Variants in DNAJC14 observed in about 807,000 individuals in gnomAD.
DNAJC14 encodes dnaJ homolog subfamily C member 14.
Under a neutral mutation model 68.8 loss-of-function variants are expected in DNAJC14, and 12 were observed. That is an observed-to-expected ratio of 0.17 (90% CI 0.11 to 0.28). DNAJC14 has a LOEUF of 0.28. DNAJC14 is among the 10% of genes least tolerant of loss of function. DNAJC14 has a pLI of 1.00. For missense variants in DNAJC14, 764 were observed against 875.6 expected (o/e 0.87, Z 1.61); for synonymous variants, 350 against 321.5 (o/e 1.09, Z -0.95).
chr12:55,827,619 C>G lies in DNAJC14; in HGVS notation c.1040G>C (p.Arg347Pro), dbSNP rs78207997. The change falls in exon 2 of 7, where the codon CGG (arginine) becomes CCG (proline). Residue 347 changes from arginine to proline, a missense_variant. Arg to Pro is a moderately radical substitution (Grantham distance 103). Transcript: ENST00000678005. The part of the protein sequence containing the change: ...LFLGFLQLGW[R>P]FLVGLGDRLG... ...CCGGTCACCTAGTCCCACCAGAAAC[C>G]GCCATCCCAACTGTAGAAAGCCCAA... is the stretch of plus-strand genomic sequence containing the variant. 20 of 1,609,944 alleles carry G rather than the reference C, an allele frequency of 1.2e-5. No homozygotes were observed. The Admixed American group carries it at 3.2e-4, about 26-fold the overall frequency.
At position 55,827,447 on chromosome 12, in the gene DNAJC14, G is replaced by C. The variant is rs1489781002; in HGVS notation, c.1212C>G (p.Val404=). 6.2e-7 allele frequency: 1 copy of C among 1,605,672 alleles called. No homozygotes were observed. Among genetic ancestry groups the C allele is most frequent in the Non-Finnish European group, 8.5e-7 (1 of 1,174,432 alleles). ...TCCCCTGCCTATTAATATTCTGCTT[G>C]ACCCAAGGCAACTCCAGCCAGCCCC... ...VQWGWLELPW[V]KQNINRQGNA... The change falls in exon 2 of 7, where the codon GTC becomes GTG. Residue 404 remains valine (V), a synonymous_variant. Transcript: ENST00000678005.
Position 55,823,009 on chromosome 12 carries a change from G to A in DNAJC14, c.1634+61C>T, listed in dbSNP as rs562299309. 2.8e-5 allele frequency: 45 copies of A among 1,601,680 alleles called. No homozygotes were observed. In the East Asian group the frequency reaches 8.9e-4, roughly 32 times the overall value. ...CATAATTACCAGTACTCACTAGAAA[G>A]ATCCTTGGTTACATAATCCCTGAGC... On this transcript the variant is annotated intron_variant, in intron 4 of 6. Transcript: ENST00000678005.
Position 55,827,916 on chromosome 12 carries a change from C to A in DNAJC14, c.743G>T (p.Gly248Val). The A allele has an allele frequency of 6.2e-7, 1 of 1,606,856 alleles. No homozygotes were observed. Among genetic ancestry groups the A allele is most frequent in the Non-Finnish European group, 8.5e-7 (1 of 1,174,864 alleles). The change falls in exon 2 of 7, where the codon GGA (glycine) becomes GTA (valine). Residue 248 changes from glycine to valine, a missense_variant. This residue lies in a region of DNAJC14 where 514 missense variants were observed against 521.7 expected (regional missense o/e 0.99). Transcript: ENST00000678005. Reference sequence around the variant, plus strand: ...AATCAGCCACCAAAAGCCTGCCTGTCCAAGTTGACATAGTTCCTCGGCTCC... The same window carrying A: ...AATCAGCCACCAAAAGCCTGCCTGTACAAGTTGACATAGTTCCTCGGCTCC... The part of the protein sequence containing the change: ...LWGAEELCQL[G>V]QAGFWWLIEL...
intron 3 of DNAJC14, 40 bp from the exon 4 acceptor site, chr12:55,823,229 G>A (rs190610992): frequency 1.2e-6 from 2 of 1,613,562 alleles, no homozygotes; most frequent in African/African-American, 2.7e-5. Flanking sequence ...AGGTATTGAG[G>A]GAGGGACAAA....
chr12:55,823,268 C>T (rs1348895121), intron 3 of DNAJC14, 79 bp from the exon 4 acceptor site: 1 of 1,606,650 alleles, frequency 6.2e-7, no homozygotes, highest in Non-Finnish European at 8.5e-7. Context: ...CCTCTTGAGG[C>T]CCCTGTCTAG....
rs776787427 is a variant in DNAJC14, at chr12:55,822,494, A to G, written c.1796-19T>C. The G allele has an allele frequency of 3.1e-6, 5 of 1,613,548 alleles. No homozygotes were observed. In the Admixed American group the frequency reaches 5.0e-5, roughly 16 times the overall value. On this transcript the variant is annotated intron_variant, in intron 5 of 6. Coordinates refer to ENST00000678005, the MANE Select transcript of DNAJC14 (RefSeq NM_032364.6). Reference sequence around the variant, plus strand: ...GCCCACTCTATAAACATGAGAAATAATTAGCCAAAACGTCGCAGTTTAGAG... The same window carrying G: ...GCCCACTCTATAAACATGAGAAATAGTTAGCCAAAACGTCGCAGTTTAGAG...
At chr12:55,829,716 G>T, upstream of DNAJC14, 1 of 614,558 alleles carries the variant, frequency 1.6e-6, no homozygotes, top group Non-Finnish European at 2.0e-6. Flanking sequence ...AGCTAGGGCT[G>T]CGTCGACTCC....
Position 55,827,405 on chromosome 12 carries a change from A to G in DNAJC14, c.1254T>C (p.Ser418=). Residue 418 remains serine (S), a synonymous_variant, in exon 2 of 7, where the codon AGT becomes AGC. Coordinates refer to ENST00000678005, the MANE Select transcript of DNAJC14 (RefSeq NM_032364.6). ...CCTCTTCAGGCTGGCAGTAGCGCCC[A>G]CTAGCTACAGGTGCATTCCCCTGCC... The part of the protein sequence containing the change: ...INRQGNAPVA[S]GRYCQPEEEV... The G allele has an allele frequency of 6.2e-7, 1 of 1,613,328 alleles. No individual in the cohort carries two copies. Among genetic ancestry groups the G allele is most frequent in the South Asian group, 1.1e-5 (1 of 90,974 alleles).
chr12:55,824,114 C>T (rs768412426), intron 2 of DNAJC14, among the ~76,000 whole-genome samples: 2 of 151,890 alleles, frequency 1.3e-5, no homozygotes, highest in Non-Finnish European at 1.5e-5. Flanking sequence ...TCAGGTACTA[C>T]GGTGGATTCA....
At chr12:55,829,184 C>T (rs112561781) in intron 1 of DNAJC14, 1 of 985,648 alleles carries the variant, frequency 1.0e-6, no homozygotes, top group Non-Finnish European at 1.2e-6. Context: ...CCGTGGCTCA[C>T]GCCTGTAATC....
chr12:55,825,840 G>A (rs1880781259), intron 2 of DNAJC14, among the ~76,000 whole-genome samples: 1 of 151,356 alleles, frequency 6.6e-6, no homozygotes, highest in Non-Finnish European at 1.5e-5. Context: ...CACCGCGCCT[G>A]GCCCTGCACA....
At chr12:55,829,647 C>T (rs575891619), upstream of DNAJC14, 12 of 975,798 alleles carry the variant, frequency 1.2e-5, no homozygotes, top group African/African-American at 2.1e-4. Context: ...CTTCCGGGGT[C>T]ACCAGGGAAG....
chr12:55,821,832 G>A lies in DNAJC14; in HGVS notation c.*145C>T. 2.3e-6 allele frequency: 2 copies of A among 879,122 alleles called. No individual in the cohort carries two copies. The highest frequency in any genetic ancestry group is 2.9e-5 in the Admixed American group (1 of 34,102). The allele number at this position is 879,122 out of a possible 1,614,324, so 54.5% of individuals were successfully genotyped here. ...AGATCACACCACTGCACTCCAGCTGGGCAACAGAGCAAGACTCCATCTCAA... is the reference window on the plus strand; with the variant it reads ...AGATCACACCACTGCACTCCAGCTGAGCAACAGAGCAAGACTCCATCTCAA... On this transcript the variant is annotated 3_prime_UTR_variant, in exon 7 of 7. Transcript: ENST00000678005.
chr12:55,826,271 C>CTTTTT (rs1164806475), intron 2 of DNAJC14, among the ~76,000 whole-genome samples: 31 of 85,778 alleles, frequency 3.6e-4, no homozygotes, highest in Non-Finnish European at 4.3e-4. Flanking sequence ...GGGAAAATAT[C>CTTTTT]TTTTTTTTTT....
At chr12:55,829,137 C>T (rs1592595964) in intron 1 of DNAJC14, 1 of 987,292 alleles carries the variant, frequency 1.0e-6, no homozygotes, top group Non-Finnish European at 1.2e-6. Context: ...AACAGGGAAC[C>T]CACCGGCTGT....
At position 55,822,639 on chromosome 12, in the gene DNAJC14, C is replaced by CTCTG; in HGVS notation, c.1724_1727dup (p.Glu576AspfsTer22). On this transcript the variant is annotated frameshift_variant, in exon 5 of 7. Coordinates refer to ENST00000678005, the MANE Select transcript of DNAJC14 (RefSeq NM_032364.6). LOFTEE classifies it high-confidence loss of function. Reference sequence around the variant, plus strand: ...TGATCTTGAGGCCCAACATGCTTGACTCTGCCCAAAAGTCTCCTTCCTCAG... The same window carrying CTCTG: ...TGATCTTGAGGCCCAACATGCTTGACTCTGTCTGCCCAAAAGTCTCCTTCCTCAG... The CTCTG allele has an allele frequency of 6.2e-7, 1 of 1,614,230 alleles. No individual in the cohort carries two copies. The highest frequency in any genetic ancestry group is 1.7e-5 in the Admixed American group (1 of 60,026).
chr12:55,825,847 C>T (rs1880781372), intron 2 of DNAJC14, among the ~76,000 whole-genome samples: 1 of 151,952 alleles, frequency 6.6e-6, no homozygotes, highest in African/African-American at 2.4e-5. Context: ...CCTGGCCCTG[C>T]ACACCCTCTT....
intron 2 of DNAJC14, among the ~76,000 whole-genome samples, chr12:55,823,725 G>A (rs567491584): frequency 2.5e-3 from 316 of 127,286 alleles, no homozygotes; most frequent in Non-Finnish European, 4.1e-3. Flanking sequence ...TTTTTTTTGA[G>A]ATGAAGTCTC....
chr12:55,830,478 G>C (rs1368474333), upstream of DNAJC14: 1 of 152,182 alleles, frequency 6.6e-6, no homozygotes, highest in Non-Finnish European at 1.5e-5. Flanking sequence ...CCCAGTTGGC[G>C]CTCCCCGACC....
Sources: allele counts gnomAD v4.1 joint callset (sites outside exome capture counted in the v4.1 genomes callset), GRCh38; gene constraint gnomAD v4.1.1; regional missense constraint gnomAD v4.1.1; transcripts MANE v1.5; gene names NCBI Gene and HGNC (gene_info 2026-07-23, HGNC 2026-07-21).